Variants in NAV3 observed in about 807,000 individuals in gnomAD.
NAV3 encodes the protein neuron navigator 3.
A neutral mutation model predicts 244.7 loss-of-function variants in NAV3; 87 were observed. That is an observed-to-expected ratio of 0.36 (90% confidence interval 0.30 to 0.42). The LOEUF (loss-of-function observed/expected upper bound fraction) is 0.42. Ranked by LOEUF, NAV3 falls within the 20% of genes least tolerant of loss-of-function variation. The pLI is 1.00. For missense variants in NAV3, 2,663 were observed against 2,893.3 expected, an observed-to-expected ratio of 0.92 and a Z score of 1.83; for synonymous variants, 1,126 against 1,042.2, an observed-to-expected ratio of 1.08 and a Z score of -1.55.
intron 12 of NAV3, among the ~76,000 whole-genome samples, chr12:78,108,103 A>G (rs1954900591): frequency 6.6e-6 from 1 of 152,160 alleles, no homozygotes; most frequent in Non-Finnish European, 1.5e-5. Context: ...AAAGTAAAAG[A>G]ATGGTAAAAG....
chr12:77,890,975 C>A (rs1351244133), intron 1 of NAV3, among the ~76,000 whole-genome samples: 1 of 152,044 alleles, frequency 6.6e-6, no homozygotes, highest in African/African-American at 2.4e-5. Context: ...AAAGGTAATT[C>A]TCCAAAGCAG....
At chr12:77,593,278 GTC>G (rs932371823) in intron 2 of NAV3, among the ~76,000 whole-genome samples, 11 of 14,884 alleles carry the variant, frequency 7.4e-4, no homozygotes, top group African/African-American at 1.7e-3. Flanking sequence ...GTGTATGTGT[GTC>G]TGTGTGTGTG....
At chr12:77,733,162 T>C (rs1877196646) in intron 2 of NAV3, among the ~76,000 whole-genome samples, 1 of 151,890 alleles carries the variant, frequency 6.6e-6, no homozygotes, top group Non-Finnish European at 1.5e-5. Context: ...GAGACTGGCA[T>C]TGGTTGAGGC....
intron 12 of NAV3, among the ~76,000 whole-genome samples, chr12:78,104,409 A>T (rs1212502450): frequency 6.6e-6 from 1 of 152,160 alleles, no homozygotes; most frequent in African/African-American, 2.4e-5. Flanking sequence ...ATATTTCAGA[A>T]TCCCTCATCA....
chr12:78,051,081 T>C lies in NAV3; in HGVS notation c.2450T>C (p.Val817Ala). 1 of 1,614,074 alleles carries C rather than the reference T, an allele frequency of 6.2e-7. No homozygotes were observed. The highest frequency in any genetic ancestry group is 8.5e-7 in the Non-Finnish European group (1 of 1,180,008). ...CTGGACATGTCTTCTGAGGTCGATGTGGGTGGATATATGAGTGATGGTGAT... is the reference window on the plus strand; with the variant it reads ...CTGGACATGTCTTCTGAGGTCGATGCGGGTGGATATATGAGTGATGGTGAT... ...SDLDMSSEVDVGGYMSDGDIL... is the reference protein window; with the variant it reads ...SDLDMSSEVDAGGYMSDGDIL... Residue 817 changes from valine to alanine, a missense_variant, in exon 11 of 40, where the codon GTG (valine) becomes GCG (alanine). By Grantham distance (64) the Val-to-Ala change is moderately conservative. Around this residue, in one of 6 missense-constraint regions of NAV3, gnomAD observed 1,521 missense variants for 1,497.0 expected, o/e 1.02. Coordinates refer to ENST00000397909, the MANE Select transcript of NAV3 (RefSeq NM_001024383.2).
chr12:77,870,705 G>A (rs1289897386), intron 1 of NAV3, among the ~76,000 whole-genome samples: 1 of 152,052 alleles, frequency 6.6e-6, no homozygotes, highest in Non-Finnish European at 1.5e-5. Context: ...AGGAGAATTG[G>A]GAAGAGGAAG....
intron 1 of NAV3, among the ~76,000 whole-genome samples, chr12:77,854,329 T>C (rs1209727911): frequency 9.9e-5 from 15 of 152,184 alleles, no homozygotes; most frequent in Admixed American, 9.8e-4. Flanking sequence ...CCTCATACCA[T>C]GTTCACATAC....
intron 2 of NAV3, among the ~76,000 whole-genome samples, chr12:77,698,720 A>T (rs1875424230): frequency 6.6e-6 from 1 of 152,186 alleles, no homozygotes; most frequent in East Asian, 1.9e-4. Flanking sequence ...TTAATGGATG[A>T]GAATACGGTT....
chr12:78,152,862 C>T (rs1957129752), intron 22 of NAV3, among the ~76,000 whole-genome samples: 1 of 151,696 alleles, frequency 6.6e-6, no homozygotes, highest in Non-Finnish European at 1.5e-5. Context: ...AACTTTCTAC[C>T]TTTTGGTTAA....
At chr12:77,669,111 C>T (rs1228982302) in intron 2 of NAV3, among the ~76,000 whole-genome samples, 1 of 151,984 alleles carries the variant, frequency 6.6e-6, no homozygotes, top group Non-Finnish European at 1.5e-5. Flanking sequence ...CAGTCTTTTC[C>T]AAATGAAGGG....
At chr12:77,816,181 A>T (rs1184759729) in intron 2 of NAV3, among the ~76,000 whole-genome samples, 2 of 152,208 alleles carry the variant, frequency 1.3e-5, no homozygotes, top group Non-Finnish European at 2.9e-5. Flanking sequence ...GACTGTTACA[A>T]ATACTAGACA....
intron 2 of NAV3, among the ~76,000 whole-genome samples, chr12:77,748,043 A>C (rs1258787819): frequency 6.6e-6 from 1 of 152,226 alleles, no homozygotes. Flanking sequence ...TAAAAAATAA[A>C]AATAAAAAAA....
chr12:77,627,629 C>T (rs772080530), intron 2 of NAV3, among the ~76,000 whole-genome samples: 9 of 152,032 alleles, frequency 5.9e-5, no homozygotes, highest in Non-Finnish European at 1.2e-4. Flanking sequence ...AAGGTTTCTC[C>T]GAACTCTAAA....
chr12:78,040,036 A>C (rs1880584606), intron 9 of NAV3, among the ~76,000 whole-genome samples: 1 of 152,066 alleles, frequency 6.6e-6, no homozygotes, highest in African/African-American at 2.4e-5. Context: ...TAAACATTTA[A>C]TTTTATTTTT....
At chr12:78,206,128 T>A (rs1463403732) in intron 39 of NAV3, among the ~76,000 whole-genome samples, 1 of 152,046 alleles carries the variant, frequency 6.6e-6, no homozygotes, top group Non-Finnish European at 1.5e-5. Context: ...CACTGAAAAT[T>A]TGGCATACAA....
rs767724758 is a variant in NAV3, at chr12:78,122,098, G to A, written c.3908G>A (p.Gly1303Glu). The A allele has an allele frequency of 1.2e-6, 2 of 1,614,092 alleles. No individual in the cohort carries two copies. The highest frequency in any genetic ancestry group is 1.7e-6 in the Non-Finnish European group (2 of 1,180,014). The change falls in exon 16 of 40, where the codon GGG becomes GAG. Residue 1303 changes from glycine (G) to glutamate (E), a missense_variant. Around this residue, in one of 6 missense-constraint regions of NAV3, gnomAD observed 354 missense variants for 413.0 expected, o/e 0.86. Transcript: ENST00000397909. ...SGTGSMGSAG[G>E]LSGSSSPLFN... ...ACGGGCAGCATGGGCAGTGCTGGTG[G>A]GCTAAGCGGCAGCAGCAGCCCTCTC...
chr12:78,175,683 A>G (rs565055030), intron 25 of NAV3, among the ~76,000 whole-genome samples: 2 of 152,170 alleles, frequency 1.3e-5, no homozygotes, highest in Admixed American at 1.3e-4. Flanking sequence ...TCTAACCAAT[A>G]AAAAGACAGT....
intron 2 of NAV3, among the ~76,000 whole-genome samples, chr12:77,731,491 A>G (rs958123424): frequency 5.9e-5 from 9 of 152,140 alleles, no homozygotes; most frequent in Non-Finnish European, 1.3e-4. Context: ...GTATAACATA[A>G]ACACTGAATG....
At chr12:77,906,622 C>A (rs1447371993) in intron 1 of NAV3, among the ~76,000 whole-genome samples, 2 of 152,070 alleles carry the variant, frequency 1.3e-5, no homozygotes, top group Admixed American at 6.6e-5. Context: ...GCCACACAAT[C>A]TGAGTTCAAA....
Sources: allele counts gnomAD v4.1 joint callset (sites outside exome capture counted in the v4.1 genomes callset), GRCh38; gene constraint gnomAD v4.1.1; regional missense constraint gnomAD v4.1.1; transcripts MANE v1.5; gene names NCBI Gene and HGNC (gene_info 2026-07-23, HGNC 2026-07-21).